Variants in ZNF254 observed in about 807,000 individuals in gnomAD.
ZNF254 encodes the protein CTD-2017D11.1.
ZNF254 carries 10 observed loss-of-function variants against 12.4 expected under a neutral mutation model. The observed-to-expected ratio is 0.80, with a 90% CI of 0.50 to 1.36. ZNF254 has a LOEUF of 1.36. Among genes scored for constraint, ZNF254 ranks in the 40% most tolerant of loss-of-function variants. The pLI, the probability that ZNF254 is intolerant of heterozygous loss-of-function variation, is 0.00. For missense variants in ZNF254, 996 were observed against 763.9 expected, an observed-to-expected ratio of 1.30 and a Z score of -3.58; for synonymous variants, 305 against 253.4, an observed-to-expected ratio of 1.20 and a Z score of -1.93.
At chr19:24,103,550 T>A (rs1973155747) in intron 1 of ZNF254, among the ~76,000 whole-genome samples, 1 of 152,192 alleles carries the variant, frequency 6.6e-6, no homozygotes, top group African/African-American at 2.4e-5. Flanking sequence ...AAAGCGTCTA[T>A]TTGTTTTAAT....
intron 2 of ZNF254, among the ~76,000 whole-genome samples, chr19:24,058,703 C>T (rs527646681): frequency 1.2e-4 from 18 of 151,978 alleles, no homozygotes; most frequent in South Asian, 6.2e-4. Flanking sequence ...CCACCGTGCC[C>T]GGCCAGTGAT....
upstream of ZNF254, among the ~76,000 whole-genome samples, chr19:24,085,510 T>C (rs1972006571): frequency 6.9e-6 from 1 of 145,508 alleles, no homozygotes; most frequent in African/African-American, 2.5e-5. Context: ...ACGTCTGTAA[T>C]CCCAACACCC....
chr19:24,076,263 A>G (rs1372108660), intron 2 of ZNF254, among the ~76,000 whole-genome samples: 1 of 152,236 alleles, frequency 6.6e-6, no homozygotes, highest in African/African-American at 2.4e-5. Context: ...CAGTAAAGAC[A>G]GGCACAAGAA....
intron 1 of ZNF254, among the ~76,000 whole-genome samples, chr19:24,045,925 G>T (rs1970367270): frequency 6.6e-6 from 1 of 151,884 alleles, no homozygotes; most frequent in Non-Finnish European, 1.5e-5. Flanking sequence ...TTCTAAGTTT[G>T]TTGATGTAGA....
chr19:24,085,419 T>TAA, upstream of ZNF254, among the ~76,000 whole-genome samples: 1 of 130,746 alleles, frequency 7.6e-6, no homozygotes, highest in Non-Finnish European at 1.6e-5. Context: ...TATATATATA[T>TAA]ATATATAAAA....
intron 3 of ZNF254, among the ~76,000 whole-genome samples, chr19:24,116,920 C>A (rs1974117873): frequency 6.6e-6 from 1 of 152,158 alleles, no homozygotes; most frequent in Non-Finnish European, 1.5e-5. Context: ...ACAGACAGGA[C>A]CCTCAGCTGC....
intron 1 of ZNF254, chr19:24,104,182 G>A (rs765024230): frequency 2.6e-5 from 4 of 152,126 alleles, no homozygotes; most frequent in Non-Finnish European, 4.4e-5. Context: ...AACAGGGGAG[G>A]GCGCCTGGGG....
Position 24,106,553 on chromosome 19 carries a change from G to T in ZNF254, c.163G>T (p.Ala55Ser). The change falls in exon 3 of 4, where the codon GCT (alanine) becomes TCT (serine). Residue 55 changes from alanine (A) to serine (S), a missense_variant. Coordinates refer to ENST00000357002, the MANE Select transcript of ZNF254 (RefSeq NM_203282.4). ...AGTTATTTTTAATAAAACAGGTATT[G>T]CTGTCTCTAAGCCAGACCTGATCAC... ...NYRNLAFLGIAVSKPDLITCL... is the reference protein window; with the variant it reads ...NYRNLAFLGISVSKPDLITCL... 6.3e-7 allele frequency: 1 copy of T among 1,578,246 alleles called. No individual in the cohort carries two copies. Among genetic ancestry groups the T allele is most frequent in the Non-Finnish European group, 8.6e-7 (1 of 1,159,762 alleles).
intron 2 of ZNF254, among the ~76,000 whole-genome samples, chr19:24,072,113 G>A (rs1016919187): frequency 6.6e-6 from 1 of 151,708 alleles, no homozygotes; most frequent in African/African-American, 2.4e-5. Context: ...AGGGGGGATT[G>A]TGACATATCA....
intron 3 of ZNF254, among the ~76,000 whole-genome samples, chr19:24,120,845 G>T (rs1408489475): frequency 6.6e-6 from 1 of 151,810 alleles, no homozygotes. Context: ...TTTTTTTTGT[G>T]TATTTTTAAT....
intron 2 of ZNF254, among the ~76,000 whole-genome samples, chr19:24,047,997 T>TTTC (rs1304724742): frequency 3.0e-5 from 4 of 135,552 alleles, no homozygotes; most frequent in African/African-American, 5.7e-5. Context: ...CTTTTTTTCT[T>TTTC]TTCTTCTTTT....
At chr19:24,100,787 G>A (rs1481990377) in intron 1 of ZNF254, among the ~76,000 whole-genome samples, 1 of 148,092 alleles carries the variant, frequency 6.8e-6, no homozygotes, top group Non-Finnish European at 1.5e-5. Context: ...ACTTAAGCTT[G>A]GCCCAAATAA....
At chr19:24,086,790 A>G (rs931852821), upstream of ZNF254, among the ~76,000 whole-genome samples, 5 of 152,196 alleles carry the variant, frequency 3.3e-5, no homozygotes, top group African/African-American at 1.2e-4. Context: ...GGATTTACTT[A>G]TAACGGTTTA....
intron 3 of ZNF254, among the ~76,000 whole-genome samples, chr19:24,116,661 G>A (rs1974099866): frequency 6.6e-6 from 1 of 152,102 alleles, no homozygotes; most frequent in Non-Finnish European, 1.5e-5. Context: ...GTAGCTGGGA[G>A]TAGTTTGATC....
At chr19:24,067,583 C>T (rs536027934) in intron 2 of ZNF254, among the ~76,000 whole-genome samples, 147 of 152,146 alleles carry the variant, frequency 9.7e-4, no homozygotes, top group African/African-American at 3.3e-3. Flanking sequence ...GAAAAGATTG[C>T]ATTATTAAAT....
At chr19:24,058,413 CTTTTT>C (rs574813499) in intron 2 of ZNF254, among the ~76,000 whole-genome samples, 1 of 123,898 alleles carries the variant, frequency 8.1e-6, no homozygotes, top group Admixed American at 8.0e-5. Flanking sequence ...TTCTTTCTTT[CTTTTT>C]TTTTTTTTTG....
intron 3 of ZNF254, chr19:24,107,177 G>T (rs1164939448): frequency 3.2e-6 from 2 of 619,774 alleles, no homozygotes; most frequent in South Asian, 3.7e-5. Flanking sequence ...AGATTGCTTT[G>T]ACTATTCAAA....
At chr19:24,119,144 AT>A (rs571542482) in intron 3 of ZNF254, among the ~76,000 whole-genome samples, 44 of 152,172 alleles carry the variant, frequency 2.9e-4, no homozygotes, top group Admixed American at 5.9e-4. Context: ...CTTATGTCTA[AT>A]TAAAAGATTT....
At chr19:24,102,227 TTG>T (rs933109793) in intron 1 of ZNF254, among the ~76,000 whole-genome samples, 26 of 126,218 alleles carry the variant, frequency 2.1e-4, no homozygotes, top group South Asian at 2.6e-4. Flanking sequence ...TAAACAAAAT[TTG>T]TTTTTTTTTT....
Sources: gnomAD v4.1 joint callset for allele counts (sites outside exome capture counted in the v4.1 genomes callset) on GRCh38, gnomAD v4.1.1 for gene constraint, MANE v1.5 for transcripts, NCBI Gene and HGNC (gene_info 2026-07-23, HGNC 2026-07-21) for gene names.